Variants in CC2D1A observed in about 807,000 individuals in gnomAD.
The protein encoded by CC2D1A is coiled-coil and C2 domain-containing protein 1A.
Under a neutral mutation model 123.8 loss-of-function variants are expected in CC2D1A, and 68 were observed. That is an observed-to-expected ratio of 0.55 (90% CI 0.45 to 0.67). The LOEUF (loss-of-function observed/expected upper bound fraction) is 0.67. Ranked by LOEUF, CC2D1A falls within the 30% of genes least tolerant of loss-of-function variation. CC2D1A has a pLI of 0.00. For synonymous variants in CC2D1A, 477 were observed against 528.0 expected (o/e 0.90, Z 1.32); for missense variants, 1,185 against 1,290.3 (o/e 0.92, Z 1.25).
Position 13,912,585 on chromosome 19 carries a change from G to C in CC2D1A, c.370G>C (p.Val124Leu). ...EQKASETPPP[V>L]AQPKPEAPHP... ...GAAGGCTTCAGAGACCCCACCTCCT[G>C]TGGCCCAGGTACAGTTTGGATGACT... Residue 124 changes from valine to leucine, a missense_variant, in exon 4 of 29, where the codon GTG becomes CTG. Transcript: ENST00000318003. The C allele has an allele frequency of 1.2e-6, 2 of 1,614,000 alleles. No individual in the cohort carries two copies. The highest frequency in any genetic ancestry group is 1.7e-6 in the Non-Finnish European group (2 of 1,180,016).
chr19:13,912,482 C>T lies in CC2D1A; in HGVS notation c.312+44C>T, dbSNP rs558744808. 51 of 1,614,070 alleles carry T rather than the reference C, an allele frequency of 3.2e-5. 1 individual carries two copies. The African/African-American group carries it at 5.2e-4, about 16-fold the overall frequency. On this transcript the variant is annotated intron_variant, in intron 3 of 28. Coordinates refer to ENST00000318003, the MANE Select transcript of CC2D1A (RefSeq NM_017721.5). ...GTGGGGGCTCTGATCCGGTTGCCCC[C>T]ATCCAGCAGGCCCTTATATCCTGCC...
At position 13,926,672 on chromosome 19, in the gene CC2D1A, T is replaced by A; in HGVS notation, c.2020T>A (p.Ser674Thr). The change falls in exon 19 of 29, where the codon TCC (serine) becomes ACC (threonine). Residue 674 changes from serine (S) to threonine (T), a missense_variant. By Grantham distance (58) the Ser-to-Thr change is moderately conservative. Coordinates refer to ENST00000318003, the MANE Select transcript of CC2D1A (RefSeq NM_017721.5). Reference protein sequence around the residue: ...GINLPTPPGLSPGDLDVFVRF... With the variant: ...GINLPTPPGLTPGDLDVFVRF... ...TGACCGTTGTTTGCCCACAGGACTGTCCCCTGGCGATCTGGATGTCTTTGT... is the reference window on the plus strand; with the variant it reads ...TGACCGTTGTTTGCCCACAGGACTGACCCCTGGCGATCTGGATGTCTTTGT... The A allele has an allele frequency of 6.2e-7, 1 of 1,614,118 alleles. No homozygotes were observed. Among genetic ancestry groups the A allele is most frequent in the South Asian group, 1.1e-5 (1 of 91,088 alleles).
intron 14 of CC2D1A, among the ~76,000 whole-genome samples, chr19:13,922,521 C>T (rs146444252): frequency 6.6e-6 from 1 of 152,344 alleles, no homozygotes; most frequent in African/African-American, 2.4e-5. Flanking sequence ...TCTAAAATCC[C>T]TCCCTGTCAC....
At chr19:13,927,113 C>G in intron 21 of CC2D1A, 36 bp downstream of exon 21, 1 of 1,610,218 alleles carries the variant, frequency 6.2e-7, no homozygotes, top group South Asian at 1.1e-5. Context: ...TGGGTGGGCT[C>G]CAGGGGAGGG....
intron 6 of CC2D1A, among the ~76,000 whole-genome samples, chr19:13,917,485 AC>A (rs1305570280): frequency 1.3e-5 from 2 of 152,036 alleles, no homozygotes; most frequent in African/African-American, 4.8e-5. Flanking sequence ...GGTAACTCAC[AC>A]CTGTAATCCT....
chr19:13,929,449 A>G lies in CC2D1A; in HGVS notation c.2583+7A>G. 1 of 1,612,994 alleles carries G rather than the reference A, an allele frequency of 6.2e-7. No individual in the cohort carries two copies. ...AGAGCGTCTGGAGCGGAAGGTGGGT[A>G]TCCATCCTGCCGGGCTACATGGGGC... On this transcript the variant is annotated splice_region_variant and intron_variant, in intron 25 of 28. Transcript: ENST00000318003.
intron 14 of CC2D1A, among the ~76,000 whole-genome samples, chr19:13,922,836 A>G (rs1599397523): frequency 6.6e-6 from 1 of 152,140 alleles, no homozygotes; most frequent in East Asian, 1.9e-4. Context: ...ACCCGGCACC[A>G]TACATGATTT....
rs775979200 is a variant in CC2D1A, at chr19:13,930,425, A to G, written c.*30A>G. The G allele has an allele frequency of 1.3e-5, 20 of 1,583,198 alleles. No individual in the cohort carries two copies. The South Asian group carries it at 1.7e-4, about 14-fold the overall frequency. ...CCCATGGGGCGGGCAGCCCCCAGAAAGCGGGCAGCAGGCCCCGATACCGGG... is the reference window on the plus strand; with the variant it reads ...CCCATGGGGCGGGCAGCCCCCAGAAGGCGGGCAGCAGGCCCCGATACCGGG... On this transcript the variant is annotated 3_prime_UTR_variant, in exon 29 of 29. Coordinates refer to ENST00000318003, the MANE Select transcript of CC2D1A (RefSeq NM_017721.5). The surrounding 1 kb of genome is among the most constrained non-coding windows in gnomAD (Gnocchi z 6.8).
rs371205896 is a variant in CC2D1A at position 13,929,523 on chromosome 19, G to T, written c.2584-11G>T. The stretch of plus-strand genomic sequence containing the variant: ...AGGCAGGATCCTCACAGGACCCTCT[G>T]TATCCTCTAGATCCTGGCCCTCAGG... On this transcript the variant is annotated splice_polypyrimidine_tract_variant and intron_variant, in intron 25 of 28. Coordinates refer to ENST00000318003, the MANE Select transcript of CC2D1A (RefSeq NM_017721.5). 1.2e-6 allele frequency: 2 copies of T among 1,612,102 alleles called. No individual in the cohort carries two copies. The highest frequency in any genetic ancestry group is 1.7e-6 in the Non-Finnish European group (2 of 1,179,852).
intron 6 of CC2D1A, 74 bp from the exon 7 acceptor site, chr19:13,917,996 T>C: frequency 6.7e-7 from 1 of 1,484,370 alleles, no homozygotes; most frequent in Non-Finnish European, 9.1e-7. Flanking sequence ...ATTAAATAAA[T>C]AAATAACAAA....
At position 13,918,833 on chromosome 19, in the gene CC2D1A, C is replaced by T. The variant is rs1394309288; in HGVS notation, c.1018+16C>T. The T allele has an allele frequency of 1.9e-6, 3 of 1,612,630 alleles. No individual in the cohort carries two copies. The African/African-American group carries it at 4.0e-5, about 22-fold the overall frequency. ...TCCACAACAGGTAGGTTCTGGGACC[C>T]TCTGGGGTTGGGGGCAGGCTGGAGC... On this transcript the variant is annotated intron_variant, in intron 9 of 28. Coordinates refer to ENST00000318003, the MANE Select transcript of CC2D1A (RefSeq NM_017721.5).
chr19:13,915,984 G>A (rs1971191640), intron 6 of CC2D1A, among the ~76,000 whole-genome samples: 1 of 151,986 alleles, frequency 6.6e-6, no homozygotes, highest in South Asian at 2.1e-4. Context: ...GGCTGGGCGT[G>A]GTGGTTCACA....
intron 6 of CC2D1A, among the ~76,000 whole-genome samples, chr19:13,917,432 C>T (rs576344663): frequency 1.3e-5 from 2 of 152,282 alleles, no homozygotes; most frequent in Non-Finnish European, 2.9e-5. Flanking sequence ...CAGAGCAAGA[C>T]TCTATCTCTT....
Position 13,920,789 on chromosome 19 carries a change from A to G in CC2D1A, c.1508A>G (p.Gln503Arg), listed in dbSNP as rs1250699184. The G allele has an allele frequency of 6.2e-7, 1 of 1,614,040 alleles. No homozygotes were observed. The highest frequency in any genetic ancestry group is 1.7e-4 in the Middle Eastern group (1 of 6,060). Residue 503 changes from glutamine to arginine, a missense_variant, in exon 14 of 29, where the codon CAG becomes CGG. By Grantham distance (43) the Gln-to-Arg change is conservative (BLOSUM62 1). Coordinates refer to ENST00000318003, the MANE Select transcript of CC2D1A (RefSeq NM_017721.5). ...GCCTTCCTAGAGGGCCGCAAGAAGC[A>G]GCTCCTGCAGGCCGCACTGCGAGCC... ...QLAFLEGRKKQLLQAALRAKQ... is the reference protein window; with the variant it reads ...QLAFLEGRKKRLLQAALRAKQ...
chr19:13,908,650 G>T (rs184600590), intron 1 of CC2D1A, among the ~76,000 whole-genome samples: 1 of 151,424 alleles, frequency 6.6e-6, no homozygotes, highest in East Asian at 2.0e-4. Context: ...ATTTTTAGTA[G>T]AGACGGGGTT....
rs752726365 is a variant in CC2D1A at position 13,920,715 on chromosome 19, C to T, written c.1469-35C>T. On this transcript the variant is annotated intron_variant, in intron 13 of 28. Transcript: ENST00000318003. ...CAGCTGCCTGTTGCCTGGCTGTGGC[C>T]TGGGCAGCACCCATAGCAGCTCCTA... 5 of 1,611,818 alleles carry T rather than the reference C, an allele frequency of 3.1e-6. No individual in the cohort carries two copies. In the African/African-American group the frequency reaches 6.7e-5, roughly 22 times the overall value.
At position 13,913,569 on chromosome 19, in the gene CC2D1A, AC is replaced by A; in HGVS notation, c.682del (p.Leu228TrpfsTer73). ...CGCGTCAGCCCCAGAGCCCAGGGTCACCCTGGAGGGACCTTCTGCCACCGCC... is the reference window on the plus strand; with the variant it reads ...CGCGTCAGCCCCAGAGCCCAGGGTCACCTGGAGGGACCTTCTGCCACCGCC... Reference protein sequence around the residue: ...RIASAPEPRVTLEGPSATAPA... With the variant: ...RIASAPEPRVXLEGPSATAPA... On this transcript the variant is annotated frameshift_variant, in exon 6 of 29. Transcript: ENST00000318003. LOFTEE classifies it high-confidence loss of function. 6.2e-7 allele frequency: 1 copy of A among 1,613,980 alleles called. No homozygotes were observed.
Position 13,906,462 on chromosome 19 carries a change from C to A in CC2D1A, c.21C>A (p.Pro7=). Reference sequence around the variant, plus strand: ...TGAAGATGCACAAGAGGAAAGGACCCCCGGGACCCCCGGGCAGAGGCGCCG... The same window carrying A: ...TGAAGATGCACAAGAGGAAAGGACCACCGGGACCCCCGGGCAGAGGCGCCG... MHKRKG[P]PGPPGRGAAA... is the part of the protein sequence containing the mutation. Residue 7 remains proline (P), a synonymous_variant, in exon 1 of 29, where the codon CCC becomes CCA. Transcript: ENST00000318003. The surrounding 1 kb of genome is among the most constrained non-coding windows in gnomAD (Gnocchi z 4.1). 1 of 1,515,816 alleles carries A rather than the reference C, an allele frequency of 6.6e-7. No individual in the cohort carries two copies. Among genetic ancestry groups the A allele is most frequent in the Non-Finnish European group, 8.8e-7 (1 of 1,134,258 alleles). 93.9% of individuals were successfully genotyped at this position (1,515,816 alleles called of 1,614,324 possible).
At chr19:13,915,717 G>C (rs148242887) in intron 6 of CC2D1A, among the ~76,000 whole-genome samples, 1 of 152,236 alleles carries the variant, frequency 6.6e-6, no homozygotes, top group Non-Finnish European at 1.5e-5. Context: ...TTTAGTCCCA[G>C]CTCCTCGAGA....
Sources: gnomAD v4.1 joint callset for allele counts (sites outside exome capture counted in the v4.1 genomes callset) on GRCh38, gnomAD v4.1.1 for gene constraint, Gnocchi (gnomAD v3.1) non-coding constraint, MANE v1.5 for transcripts, NCBI Gene and HGNC (gene_info 2026-07-23, HGNC 2026-07-21) for gene names.